Variants in PCP4 observed in about 807,000 individuals in gnomAD.
PCP4 encodes the protein Purkinje cell protein 4, also known as calmodulin regulator protein PCP4.
PCP4 carries 8 observed loss-of-function variants against 10.0 expected under a neutral mutation model. The observed-to-expected ratio is 0.80, with a 90% CI of 0.47 to 1.45. The LOEUF (loss-of-function observed/expected upper bound fraction) is 1.45, where lower values mean the gene tolerates loss of function less well. PCP4 is among the 40% of genes most tolerant of loss of function. PCP4 has a pLI of 0.00. For synonymous variants in PCP4, 21 were observed against 23.0 expected, an observed-to-expected ratio of 0.91 and a Z score of 0.24; for missense variants, 54 against 74.4, an observed-to-expected ratio of 0.73 and a Z score of 1.01.
At chr21:39,911,396 G>C (rs1280155258) in intron 2 of PCP4, among the ~76,000 whole-genome samples, 2 of 152,166 alleles carry the variant, frequency 1.3e-5, no homozygotes, top group Admixed American at 6.5e-5. Flanking sequence ...TTAGAAAGGA[G>C]GCTGGCACCC....
chr21:39,898,003 G>A (rs1403737112), intron 1 of PCP4, among the ~76,000 whole-genome samples: 6 of 137,042 alleles, frequency 4.4e-5, no homozygotes, highest in South Asian at 4.5e-4. Context: ...CCAAGATTGC[G>A]CCGCTGCACT....
chr21:39,881,426 G>C (rs2087375197), intron 1 of PCP4, among the ~76,000 whole-genome samples: 1 of 152,098 alleles, frequency 6.6e-6, no homozygotes, highest in African/African-American at 2.4e-5. Flanking sequence ...TTTGCATGGG[G>C]GTCTAGGAAG....
At chr21:39,892,735 GT>G (rs2087438944) in intron 1 of PCP4, among the ~76,000 whole-genome samples, 1 of 152,016 alleles carries the variant, frequency 6.6e-6, no homozygotes, top group African/African-American at 2.4e-5. Flanking sequence ...TCTTTAAATT[GT>G]TTTAAAGTGT....
At chr21:39,912,760 G>T (rs1055670115) in intron 2 of PCP4, among the ~76,000 whole-genome samples, 3 of 151,874 alleles carry the variant, frequency 2.0e-5, no homozygotes, top group African/African-American at 7.3e-5. Context: ...TCCCAGGCTG[G>T]AGTGCAGTAG....
In PCP4 at chr21:39,888,727, T is replaced by A. The variant is rs563563047; in HGVS notation, c.10-9749T>A. 2.6e-5 allele frequency among the ~76,000 whole-genome samples: 4 copies of A among 152,266 alleles called. No homozygotes were observed. The East Asian group carries it at 7.7e-4, about 29-fold the overall frequency. ...CCCTCCAGGCTGTGAGCCACCAAAG[T>A]GGAAGCAGTGGGTCCCTTCTGCTTG... On this transcript the variant is annotated intron_variant, in intron 1 of 2. Coordinates refer to ENST00000328619, the MANE Select transcript of PCP4 (RefSeq NM_006198.3).
chr21:39,878,751 C>T (rs1420753519), intron 1 of PCP4, among the ~76,000 whole-genome samples: 1 of 152,172 alleles, frequency 6.6e-6, no homozygotes, highest in Non-Finnish European at 1.5e-5. Flanking sequence ...TATCATTGCA[C>T]TTTGTATCTC....
intron 1 of PCP4, among the ~76,000 whole-genome samples, chr21:39,873,940 A>T (rs1359476090): frequency 1.3e-5 from 2 of 152,222 alleles, no homozygotes; most frequent in Non-Finnish European, 1.5e-5. Flanking sequence ...TTTACTGCTC[A>T]TTCCATTTCT....
chr21:39,927,462 C>T (rs1009474899), intron 2 of PCP4, among the ~76,000 whole-genome samples: 11 of 152,152 alleles, frequency 7.2e-5, no homozygotes, highest in African/African-American at 2.7e-4. Context: ...ACCCCAGCTT[C>T]CTCCACCCTC....
In PCP4 at chr21:39,903,867, C is replaced by CAAAAAA. The variant is rs1210365373; in HGVS notation, c.61+5343_61+5348dup. ...TGGGCTAAAGAGTGGGACTCCGTCT[C>CAAAAAA]AAAAAAAACAAAAAAAAAAAAAAAA... On this transcript the variant is annotated intron_variant, in intron 2 of 2. Transcript: ENST00000328619. Among the ~76,000 whole-genome samples the CAAAAAA allele has an allele frequency of 4.9e-3, 169 of 34,774 alleles. 3 individuals carry two copies. The highest frequency in any genetic ancestry group is 8.9e-3 in the African/African-American group (93 of 10,460). The allele number at this position is 34,774 out of a possible 152,430, so 22.8% of individuals were successfully genotyped here. A position where few individuals can be genotyped will look rare whatever the true frequency, so the allele number is the denominator to read the frequency against.
chr21:39,868,971 T>A (rs533289109), intron 1 of PCP4, among the ~76,000 whole-genome samples: 41 of 152,280 alleles, frequency 2.7e-4, no homozygotes, highest in African/African-American at 9.9e-4. Context: ...GAGACCTCCA[T>A]TTCCCACATG....
At chr21:39,917,810 G>A (rs2087576439) in intron 2 of PCP4, among the ~76,000 whole-genome samples, 1 of 152,140 alleles carries the variant, frequency 6.6e-6, no homozygotes, top group Non-Finnish European at 1.5e-5. Flanking sequence ...ATGTGTTGAA[G>A]CCCTAATCTC....
At chr21:39,903,881 A>C (rs972096236) in intron 2 of PCP4, among the ~76,000 whole-genome samples, 28 of 143,610 alleles carry the variant, frequency 1.9e-4, no homozygotes, top group East Asian at 7.8e-4. Context: ...AAAAACAAAA[A>C]AAAAAAAAAA....
intron 1 of PCP4, among the ~76,000 whole-genome samples, chr21:39,898,136 C>T (rs565057625): frequency 2.0e-5 from 3 of 151,782 alleles, no homozygotes; most frequent in Admixed American, 6.6e-5. Context: ...CAAAATGACG[C>T]ATTAACAATG....
intron 1 of PCP4, among the ~76,000 whole-genome samples, chr21:39,869,406 GGC>G (rs1164621137): frequency 6.6e-6 from 1 of 152,242 alleles, no homozygotes; most frequent in Non-Finnish European, 1.5e-5. Context: ...GCCCCGCCAT[GGC>G]GCTTATCAGA....
intron 1 of PCP4, among the ~76,000 whole-genome samples, chr21:39,878,956 C>T (rs1343558801): frequency 6.6e-6 from 1 of 151,732 alleles, no homozygotes; most frequent in Non-Finnish European, 1.5e-5. Flanking sequence ...GGATATTTTA[C>T]CTCTTCTTGA....
chr21:39,878,533 G>T (rs1489837864), intron 1 of PCP4, among the ~76,000 whole-genome samples: 1 of 152,162 alleles, frequency 6.6e-6, no homozygotes, highest in Non-Finnish European at 1.5e-5. Context: ...GGGCTCTAGG[G>T]ACTTGTTGCA....
intron 2 of PCP4, among the ~76,000 whole-genome samples, chr21:39,900,865 C>T (rs2087479442): frequency 6.6e-6 from 1 of 151,918 alleles, no homozygotes; most frequent in African/African-American, 2.4e-5. Context: ...GGTGTATCTG[C>T]CATACACTGT....
chr21:39,881,369 A>C (rs1026216494), intron 1 of PCP4, among the ~76,000 whole-genome samples: 1 of 152,176 alleles, frequency 6.6e-6, no homozygotes, highest in East Asian at 1.9e-4. Context: ...ATTTCATTAC[A>C]ACAGGTCATT....
intron 1 of PCP4, among the ~76,000 whole-genome samples, chr21:39,891,025 C>CTTA (rs1380879862): frequency 6.6e-6 from 1 of 152,140 alleles, no homozygotes; most frequent in East Asian, 1.9e-4. Context: ...ATGTAGCATA[C>CTTA]TTATGTTCAG....
Sources: allele counts gnomAD v4.1 joint callset (sites outside exome capture counted in the v4.1 genomes callset), GRCh38; gene constraint gnomAD v4.1.1; transcripts MANE v1.5; gene names NCBI Gene and HGNC (gene_info 2026-07-23, HGNC 2026-07-21).